RNFT2: variants seen among roughly 807,000 people sequenced by gnomAD.
RNFT2 encodes E3 ubiquitin-protein ligase RNFT2.
Under a neutral mutation model 53.0 loss-of-function variants are expected in RNFT2, and 36 were observed. The observed-to-expected ratio is 0.68, with a 90% CI of 0.52 to 0.90. RNFT2 has a LOEUF of 0.90. Among genes scored for constraint, RNFT2 ranks in the 40% least tolerant of loss-of-function variants. The probability of loss-of-function intolerance (pLI) is 0.00; values close to 1 mark genes in which losing one functional copy is unlikely to be tolerated. For synonymous variants in RNFT2, 260 were observed against 253.2 expected (o/e 1.03, Z -0.26); for missense variants, 514 against 585.6 (o/e 0.88, Z 1.26).
rs189981914 is a variant in RNFT2 at position 116,792,054 on chromosome 12, T to C, written c.882+12706T>C. Among the ~76,000 whole-genome samples, 8 of 152,050 alleles carry C rather than the reference T, an allele frequency of 5.3e-5. No homozygotes were observed. The East Asian group carries it at 1.5e-3, about 29-fold the overall frequency. ...ATGTTCCCTGAATTCCTTTGGAAAA[T>C]TTTCTTTTTTGTTTTTTGAGACAGA... On this transcript the variant is annotated intron_variant, in intron 7 of 10. Transcript: ENST00000257575.
chr12:116,750,319 G>A lies in RNFT2; in HGVS notation c.550+12G>A, dbSNP rs757802985. On this transcript the variant is annotated intron_variant, in intron 4 of 10. Transcript: ENST00000257575. Reference sequence around the variant, plus strand: ...TCAGCATAAGCTCGGTGAGTTCTGGGGGCATGGGTGTCCTAGCCATGGGCT... The same window carrying A: ...TCAGCATAAGCTCGGTGAGTTCTGGAGGCATGGGTGTCCTAGCCATGGGCT... 2.8e-5 allele frequency: 44 copies of A among 1,586,744 alleles called. No homozygotes were observed. The South Asian group carries it at 3.5e-4, about 13-fold the overall frequency.
intron 4 of RNFT2, among the ~76,000 whole-genome samples, chr12:116,750,911 T>TTGATA: frequency 1.1e-5 from 1 of 94,964 alleles, no homozygotes; most frequent in Non-Finnish European, 2.3e-5. Context: ...TATATATATT[T>TTGATA]TTTTTTGAGA....
intron 6 of RNFT2, among the ~76,000 whole-genome samples, chr12:116,771,267 C>A (rs900357789): frequency 4.0e-5 from 6 of 151,590 alleles, no homozygotes; most frequent in African/African-American, 1.2e-4. Context: ...CGAGACCATC[C>A]TGGGCAACAT....
chr12:116,774,136 G>C (rs992930517), intron 6 of RNFT2, among the ~76,000 whole-genome samples: 4 of 152,214 alleles, frequency 2.6e-5, no homozygotes, highest in Non-Finnish European at 5.9e-5. Context: ...GCCAGGGACT[G>C]GGGGGAGAAG....
At chr12:116,775,560 C>G (rs1201169507) in intron 6 of RNFT2, among the ~76,000 whole-genome samples, 2 of 152,220 alleles carry the variant, frequency 1.3e-5, no homozygotes, top group African/African-American at 4.8e-5. Context: ...TGCCCTTGGG[C>G]AAGTCATGTC....
intron 7 of RNFT2, among the ~76,000 whole-genome samples, chr12:116,796,965 C>T (rs1874532484): frequency 6.6e-6 from 1 of 152,186 alleles, no homozygotes; most frequent in Non-Finnish European, 1.5e-5. Flanking sequence ...TTAGTTGGCA[C>T]CATTGGAGGG....
At chr12:116,761,937 C>T (rs1459758100) in intron 5 of RNFT2, among the ~76,000 whole-genome samples, 3 of 151,992 alleles carry the variant, frequency 2.0e-5, no homozygotes, top group Non-Finnish European at 1.5e-5. Context: ...CGCGGTGGCT[C>T]ACGCCTGTAA....
At chr12:116,739,746 G>C (rs1871508235) in intron 1 of RNFT2, among the ~76,000 whole-genome samples, 1 of 152,218 alleles carries the variant, frequency 6.6e-6, no homozygotes, top group African/African-American at 2.4e-5. Flanking sequence ...AGGAAATGCA[G>C]TTGGAAACAG....
At chr12:116,741,149 G>A in intron 3 of RNFT2, 55 bp downstream of exon 3, 1 of 1,457,140 alleles carries the variant, frequency 6.9e-7, no homozygotes, top group Non-Finnish European at 9.5e-7. Context: ...GGTGGTGAGG[G>A]GCAACCCAAA....
chr12:116,852,472 C>T lies in RNFT2; in HGVS notation c.*3024C>T, dbSNP rs369942537. 9.5e-5 allele frequency: 138 copies of T among 1,455,522 alleles called. No homozygotes were observed. The highest frequency in any genetic ancestry group is 2.6e-4 in the African/African-American group (18 of 70,442). 90.2% of individuals were successfully genotyped at this position (1,455,522 alleles called of 1,614,324 possible). ...CATCTTTCAAGCTCCGTTACTATGG[C>T]GATGGCCATGATGTTACAATCCCAC... On this transcript the variant is annotated 3_prime_UTR_variant, in exon 11 of 11. Coordinates refer to ENST00000257575, the MANE Select transcript of RNFT2 (RefSeq NM_001382266.1).
intron 7 of RNFT2, chr12:116,801,563 A>G (rs545219872): frequency 5.9e-5 from 9 of 152,304 alleles, no homozygotes; most frequent in Admixed American, 2.0e-4. Flanking sequence ...AACTCATAAC[A>G]CTGTTGTGAG....
At chr12:116,750,718 A>C (rs987678139) in intron 4 of RNFT2, among the ~76,000 whole-genome samples, 1 of 148,874 alleles carries the variant, frequency 6.7e-6, no homozygotes, top group Non-Finnish European at 1.5e-5. Context: ...GTATGATTTT[A>C]TAGTCTTCAT....
intron 4 of RNFT2, among the ~76,000 whole-genome samples, chr12:116,750,888 TATAATATATATATATATATA>T (rs1566069532): frequency 0.25 from 1,395 of 5,570 alleles, 109 homozygotes; most frequent in South Asian, 0.41. Flanking sequence ...ATATTATATA[TATAATATATATATATATATA>T]TTTTTTTTTG....
At chr12:116,753,135 CTTTTTTCTTTTTCTTTTTTTTTTT>C (rs989110629) in intron 4 of RNFT2, among the ~76,000 whole-genome samples, 1 of 125,304 alleles carries the variant, frequency 8.0e-6, no homozygotes, top group African/African-American at 2.9e-5. Context: ...TTTTCTTTTT[CTTTTTTCTTTTTCTTTTTTTTTTT>C]TTTTTTTTTG....
chr12:116,769,376 C>T (rs980200719), intron 6 of RNFT2, among the ~76,000 whole-genome samples: 2 of 152,132 alleles, frequency 1.3e-5, no homozygotes, highest in African/African-American at 4.8e-5. Flanking sequence ...CAGCCTTAGG[C>T]AGTGCCTTTC....
chr12:116,841,944 TATAAATATATATATAGAGAGAGAGAG>T, intron 10 of RNFT2, among the ~76,000 whole-genome samples: 1 of 26,612 alleles, frequency 3.8e-5, no homozygotes. Flanking sequence ...TAAATATATA[TATAAATATATATATAGAGAGAGAGAG>T]AGAGAGAGAG....
Position 116,811,969 on chromosome 12 carries a change from G to C in RNFT2, c.883-21823G>C, listed in dbSNP as rs188102774. Among the ~76,000 whole-genome samples, 5 of 152,274 alleles carry C rather than the reference G, an allele frequency of 3.3e-5. No homozygotes were observed. In the South Asian group the frequency reaches 1.0e-3, roughly 32 times the overall value. ...CCTTTGCCACTAGCTATATACCCTC[G>C]GGTGAGTGAGTTCACCGGGTCAAAC... On this transcript the variant is annotated intron_variant, in intron 7 of 10. Coordinates refer to ENST00000257575, the MANE Select transcript of RNFT2 (RefSeq NM_001382266.1).
chr12:116,791,455 G>C (rs1291022868), intron 7 of RNFT2, among the ~76,000 whole-genome samples: 1 of 152,152 alleles, frequency 6.6e-6, no homozygotes, highest in African/African-American at 2.4e-5. Context: ...GGGATTACAG[G>C]AGTGCGCCAC....
At chr12:116,781,682 C>G (rs1359097832) in intron 7 of RNFT2, among the ~76,000 whole-genome samples, 1 of 152,184 alleles carries the variant, frequency 6.6e-6, no homozygotes, top group Non-Finnish European at 1.5e-5. Context: ...TGTGATGACA[C>G]TGGCCCCACC....
Sources: gnomAD v4.1 joint callset for allele counts (sites outside exome capture counted in the v4.1 genomes callset) on GRCh38, gnomAD v4.1.1 for gene constraint, MANE v1.5 for transcripts, NCBI Gene and HGNC (gene_info 2026-07-23, HGNC 2026-07-21) for gene names.